CFAP20DC: variants seen among roughly 807,000 people sequenced by gnomAD.
The protein encoded by CFAP20DC is CFAP20 domain containing.
Under a neutral mutation model 101.7 loss-of-function variants are expected in CFAP20DC, and 84 were observed. The observed-to-expected ratio is 0.83, with a 90% CI of 0.69 to 0.99. CFAP20DC has a LOEUF of 0.99. CFAP20DC is among the 50% of genes least tolerant of loss of function. The pLI is 0.00. For synonymous variants in CFAP20DC, 359 were observed against 351.2 expected, an observed-to-expected ratio of 1.02 and a Z score of -0.25; for missense variants, 1,007 against 970.3, an observed-to-expected ratio of 1.04 and a Z score of -0.50.
Position 58,867,846 on chromosome 3 carries a change from G to A in CFAP20DC, c.1106C>T (p.Thr369Ile), listed in dbSNP as rs1292391955. 2 of 1,613,500 alleles carry A rather than the reference G, an allele frequency of 1.2e-6. No individual in the cohort carries two copies. Among genetic ancestry groups the A allele is most frequent in the East Asian group, 2.2e-5 (1 of 44,826 alleles). ...GGGTGTCTCTGTCCTTTCTCTGCTG[G>A]TACTTTTTAACCGTAATCTTCTTCT... ...NNRRRLRLKS[T>I]SRERTETPSG... The change falls in exon 10 of 17, where the codon ACC (threonine) becomes ATC (isoleucine). Residue 369 changes from threonine (T) to isoleucine (I), a missense_variant. Transcript: ENST00000482387.
chr3:58,751,136 T>C (rs955242159), intron 16 of CFAP20DC, among the ~76,000 whole-genome samples: 4 of 152,154 alleles, frequency 2.6e-5, no homozygotes, highest in Admixed American at 6.5e-5. Flanking sequence ...GAGAATCTAA[T>C]ATATGCTGGA....
At chr3:58,791,377 G>T (rs982964529) in intron 15 of CFAP20DC, among the ~76,000 whole-genome samples, 1 of 151,922 alleles carries the variant, frequency 6.6e-6, no homozygotes, top group Non-Finnish European at 1.5e-5. Flanking sequence ...CCTATTTTTA[G>T]ATAACTTAAT....
chr3:58,720,959 C>T (rs2067464708), intron 3 of CFAP20DC, among the ~76,000 whole-genome samples: 1 of 152,168 alleles, frequency 6.6e-6, no homozygotes, highest in Non-Finnish European at 1.5e-5. Context: ...TGGGATGCGG[C>T]ACTTGGGGAG....
chr3:58,779,999 G>C lies in CFAP20DC; in HGVS notation c.2238-26136C>G, dbSNP rs111658134. Among the ~76,000 whole-genome samples the C allele has an allele frequency of 1.6e-4, 24 of 152,212 alleles. 1 individual carries two copies. Among genetic ancestry groups the C allele is most frequent in the African/African-American group, 5.5e-4 (23 of 41,562 alleles). ...GTCATTTATAAGGGAACCCCTATCA[G>C]ACTAACAGTGGATTTCTCAGCAGAA... On this transcript the variant is annotated intron_variant, in intron 15 of 16. Transcript: ENST00000482387.
At position 58,722,537 on chromosome 3, in the gene CFAP20DC, T is replaced by C. The variant is rs1462734831; in HGVS notation, c.198-4909A>G. Among the ~76,000 whole-genome samples the C allele has an allele frequency of 6.6e-6, 1 of 152,210 alleles. No homozygotes were observed. The highest frequency in any genetic ancestry group is 1.5e-5 in the Non-Finnish European group (1 of 68,036). ...AAAGGACTCTAATTCTCTCTCGTGA[T>C]GGAGTAGAAACCTGAGAGATGCCAC... On this transcript the variant is annotated intron_variant, in intron 3 of 3. Coordinates refer to the CFAP20DC transcript ENST00000486145. This position sits in a 1 kb window ranked among gnomAD's most constrained non-coding sequence, Gnocchi z 4.5.
rs907068866 is a variant in CFAP20DC at position 58,832,971 on chromosome 3, A to G, written c.1972-1082T>C. On this transcript the variant is annotated intron_variant, in intron 13 of 16. Coordinates refer to ENST00000482387, the MANE Select transcript of CFAP20DC (RefSeq NM_001394063.1). ...ACATCTGGAAACACTGGTTGTACTAATAAGGATTTTTTTCCAAGACACCTT... is the reference window on the plus strand; with the variant it reads ...ACATCTGGAAACACTGGTTGTACTAGTAAGGATTTTTTTCCAAGACACCTT... Among the ~76,000 whole-genome samples, 4 of 152,194 alleles carry G rather than the reference A, an allele frequency of 2.6e-5. No individual in the cohort carries two copies. The South Asian group carries it at 8.3e-4, about 32-fold the overall frequency.
At chr3:58,903,020 C>A (rs755407040) in intron 6 of CFAP20DC, among the ~76,000 whole-genome samples, 13 of 151,370 alleles carry the variant, frequency 8.6e-5, no homozygotes, top group Non-Finnish European at 1.6e-4. Flanking sequence ...AGAATGTTTT[C>A]TCTCTATATA....
At position 58,753,817 on chromosome 3, in the gene CFAP20DC, G is replaced by A; in HGVS notation, c.2284C>T (p.Gln762Ter). 1.2e-6 allele frequency: 2 copies of A among 1,612,890 alleles called. No homozygotes were observed. Among genetic ancestry groups the A allele is most frequent in the African/African-American group, 1.3e-5 (1 of 74,970 alleles). Residue 762 changes from glutamine to a stop codon, truncating the protein, a stop_gained, in exon 16 of 17, where the codon CAG becomes TAG. Transcript: ENST00000482387. LOFTEE classifies it high-confidence loss of function. ...GAATCTGGACGCTGCTCAGCCGGCTGTTGACTGGGAGGAACGATTGGTGGG... is the reference window on the plus strand; with the variant it reads ...GAATCTGGACGCTGCTCAGCCGGCTATTGACTGGGAGGAACGATTGGTGGG... ...LSPPIVPPSQ[Q>*]PAEQRPDSCE...
chr3:58,902,386 G>A (rs985645147), intron 6 of CFAP20DC, among the ~76,000 whole-genome samples: 4 of 152,090 alleles, frequency 2.6e-5, no homozygotes, highest in East Asian at 1.9e-4. Flanking sequence ...TCCCCACAGC[G>A]GGTGAACGAT....
chr3:58,757,461 T>C (rs74284395), intron 15 of CFAP20DC, among the ~76,000 whole-genome samples: 12,550 of 152,088 alleles, frequency 0.083, 872 homozygotes, highest in East Asian at 0.35. Context: ...TTTTTATCTT[T>C]CCCTCACTTT....
intron 4 of CFAP20DC, among the ~76,000 whole-genome samples, chr3:58,947,532 A>C (rs1474447675): frequency 6.6e-6 from 1 of 152,230 alleles, no homozygotes; most frequent in Non-Finnish European, 1.5e-5. Flanking sequence ...GGCCATGTGC[A>C]TTTAGAAAGG....
At chr3:58,815,201 C>T (rs1466966271) in intron 14 of CFAP20DC, among the ~76,000 whole-genome samples, 4 of 151,662 alleles carry the variant, frequency 2.6e-5, no homozygotes, top group Admixed American at 6.6e-5. Flanking sequence ...AGAAATAACG[C>T]TGCATATCTA....
At position 59,006,567 on chromosome 3, in the gene CFAP20DC, G is replaced by A. The variant is rs569650583; in HGVS notation, c.278+32990C>T. Among the ~76,000 whole-genome samples, 35 of 152,310 alleles carry A rather than the reference G, an allele frequency of 2.3e-4. No homozygotes were observed. The highest frequency in any genetic ancestry group is 7.5e-4 in the African/African-American group (31 of 41,560). On this transcript the variant is annotated intron_variant, in intron 4 of 16. Transcript: ENST00000482387. This position sits in a 1 kb window ranked among gnomAD's most constrained non-coding sequence, Gnocchi z 4.3. ...TCTGAAAATCCAGATCACGGGAGAA[G>A]GACTTAACCTTACCTACAGCTAAAA...
intron 6 of CFAP20DC, among the ~76,000 whole-genome samples, chr3:58,911,308 T>G (rs999330771): frequency 6.6e-6 from 1 of 152,158 alleles, no homozygotes; most frequent in Non-Finnish European, 1.5e-5. Flanking sequence ...TGCCACAACA[T>G]AAATGAATCT....
chr3:58,846,504 G>A (rs1169461281), intron 13 of CFAP20DC, among the ~76,000 whole-genome samples: 3 of 151,746 alleles, frequency 2.0e-5, no homozygotes, highest in Non-Finnish European at 4.4e-5. Context: ...ACTGCTCAAG[G>A]AAATAAAAGA....
At chr3:58,803,473 T>C (rs866833780) in intron 15 of CFAP20DC, among the ~76,000 whole-genome samples, 3 of 152,332 alleles carry the variant, frequency 2.0e-5, no homozygotes, top group South Asian at 2.1e-4. Context: ...GTCTAAAGCA[T>C]TGGGATACTA....
intron 4 of CFAP20DC, among the ~76,000 whole-genome samples, chr3:59,010,766 C>G (rs2093563516): frequency 6.6e-6 from 1 of 152,156 alleles, no homozygotes; most frequent in Admixed American, 6.5e-5. Context: ...ACATTCTGCT[C>G]ATCAGCACAT....
chr3:58,746,638 A>C (rs754988314), intron 16 of CFAP20DC, among the ~76,000 whole-genome samples: 6 of 152,152 alleles, frequency 3.9e-5, no homozygotes, highest in Non-Finnish European at 5.9e-5. Context: ...ATTCATTCCA[A>C]TACATATCAC....
At chr3:58,991,545 T>A (rs1214943866) in intron 4 of CFAP20DC, among the ~76,000 whole-genome samples, 1 of 152,134 alleles carries the variant, frequency 6.6e-6, no homozygotes, top group African/African-American at 2.4e-5. Context: ...CACCAGAGAC[T>A]AGTTTTGTGG....
Sources: gnomAD v4.1 joint callset for allele counts (sites outside exome capture counted in the v4.1 genomes callset) on GRCh38, gnomAD v4.1.1 for gene constraint, Gnocchi (gnomAD v3.1) non-coding constraint, MANE v1.5 for transcripts, NCBI Gene and HGNC (gene_info 2026-07-23, HGNC 2026-07-21) for gene names.